The following AHCYL2 variants were observed in gnomAD, a reference collection of about 807,000 sequenced individuals.
AHCYL2 encodes the protein S-adenosylhomocysteine hydrolase-like protein 2.
AHCYL2 carries 28 observed loss-of-function variants against 81.4 expected under a neutral mutation model. The observed-to-expected ratio is 0.34, with a 90% confidence interval of 0.25 to 0.47. AHCYL2 has a LOEUF of 0.47. AHCYL2 is among the 20% of genes least tolerant of loss of function. The pLI, the probability that AHCYL2 is intolerant of heterozygous loss-of-function variation, is 1.00. For missense variants in AHCYL2, 551 were observed against 785.1 expected, an observed-to-expected ratio of 0.70 and a Z score of 3.56; for synonymous variants, 272 against 290.2, an observed-to-expected ratio of 0.94 and a Z score of 0.64.
rs1302149773 is a variant in AHCYL2 at position 129,321,577 on chromosome 7, CT to C, written c.364-58057del. Among the ~76,000 whole-genome samples the C allele has an allele frequency of 1.3e-5, 2 of 152,038 alleles. 1 individual carries two copies. Among genetic ancestry groups the C allele is most frequent in the East Asian group, 3.8e-4 (2 of 5,196 alleles). ...AGATTGTCTAAAAATTTGTTAAGAA[CT>C]TTTACATCTGTGTTAGTGAGAAACA... On this transcript the variant is annotated intron_variant, in intron 1 of 16. Transcript: ENST00000325006.
chr7:129,266,717 C>A (rs1795823338), intron 1 of AHCYL2, among the ~76,000 whole-genome samples: 1 of 151,994 alleles, frequency 6.6e-6, no homozygotes, highest in Non-Finnish European at 1.5e-5. Flanking sequence ...ATAGGAGGGG[C>A]AATCCAAAGC....
chr7:129,368,103 C>T lies in AHCYL2; in HGVS notation c.364-11535C>T, dbSNP rs1315555180. On this transcript the variant is annotated intron_variant, in intron 1 of 16. Transcript: ENST00000325006. The surrounding 1 kb of genome is among the most constrained non-coding windows in gnomAD (Gnocchi z 4.4). ...GTCCTGAAGGGTGGGAGAGAATTCA[C>T]AAGTGCCTCACACACAGGGAAAGAA... 8.9e-6 allele frequency: 9 copies of T among 1,011,438 alleles called. No individual in the cohort carries two copies. The highest frequency in any genetic ancestry group is 1.1e-5 in the Non-Finnish European group (9 of 846,648). 62.7% of individuals were successfully genotyped at this position (1,011,438 alleles called of 1,614,324 possible).
intron 1 of AHCYL2, among the ~76,000 whole-genome samples, chr7:129,265,456 G>T (rs967831684): frequency 3.9e-5 from 6 of 152,162 alleles, no homozygotes; most frequent in African/African-American, 1.4e-4. Flanking sequence ...CCTTAAAGGG[G>T]CTGCTTTATT....
intron 2 of AHCYL2, among the ~76,000 whole-genome samples, chr7:129,385,874 G>A (rs1404428136): frequency 6.6e-6 from 1 of 152,134 alleles, no homozygotes; most frequent in Non-Finnish European, 1.5e-5. Context: ...GTACATACGT[G>A]TTGGGTTTCT....
chr7:129,394,829 T>C (rs1431364732), intron 4 of AHCYL2, among the ~76,000 whole-genome samples: 1 of 152,232 alleles, frequency 6.6e-6, no homozygotes, highest in Non-Finnish European at 1.5e-5. Flanking sequence ...AACTAGATCC[T>C]TTAACATAAA....
chr7:129,331,207 T>TG (rs1755273990), intron 1 of AHCYL2, among the ~76,000 whole-genome samples: 1 of 152,162 alleles, frequency 6.6e-6, no homozygotes, highest in African/African-American at 2.4e-5. Flanking sequence ...AAGACGAACA[T>TG]TTTTATACAC....
chr7:129,266,477 C>T (rs916555823), intron 1 of AHCYL2, among the ~76,000 whole-genome samples: 10 of 150,904 alleles, frequency 6.6e-5, no homozygotes, highest in Admixed American at 1.3e-4. Flanking sequence ...TGCAGTGAGC[C>T]GAGATCTCAC....
At chr7:129,383,825 A>G (rs1299267725) in intron 2 of AHCYL2, among the ~76,000 whole-genome samples, 2 of 152,178 alleles carry the variant, frequency 1.3e-5, no homozygotes, top group Non-Finnish European at 2.9e-5. Context: ...TTTTCCAGAT[A>G]CATGCATTGC....
intron 1 of AHCYL2, among the ~76,000 whole-genome samples, chr7:129,227,710 G>A (rs559239467): frequency 6.0e-4 from 91 of 150,460 alleles, no homozygotes; most frequent in Non-Finnish European, 1.1e-3. Context: ...TTTCCTTGTC[G>A]TTGAACCATC....
At chr7:129,395,132 A>G (rs1164983119) in intron 4 of AHCYL2, among the ~76,000 whole-genome samples, 3 of 152,240 alleles carry the variant, frequency 2.0e-5, no homozygotes, top group African/African-American at 7.2e-5. Context: ...AAATTCCTCC[A>G]GCAGTGGACT....
chr7:129,248,762 G>A (rs1327253414), intron 1 of AHCYL2, among the ~76,000 whole-genome samples: 6 of 151,670 alleles, frequency 4.0e-5, no homozygotes, highest in South Asian at 2.1e-4. Flanking sequence ...AGGTCAATTC[G>A]GGAGAATTCC....
At chr7:129,282,418 T>A (rs914923252) in intron 1 of AHCYL2, among the ~76,000 whole-genome samples, 20 of 152,260 alleles carry the variant, frequency 1.3e-4, no homozygotes, top group African/African-American at 4.3e-4. Flanking sequence ...CTTTTTCCAC[T>A]CTGGTTTACT....
chr7:129,377,851 G>A (rs1345112506), intron 1 of AHCYL2, among the ~76,000 whole-genome samples: 1 of 152,064 alleles, frequency 6.6e-6, no homozygotes, highest in Non-Finnish European at 1.5e-5. Flanking sequence ...AGATAAAATT[G>A]TAAGAAAATC....
chr7:129,374,333 G>A (rs1479958529), intron 1 of AHCYL2, among the ~76,000 whole-genome samples: 1 of 152,084 alleles, frequency 6.6e-6, no homozygotes, highest in Admixed American at 6.6e-5. Context: ...AAACTTTCCT[G>A]CTTTGTCAAG....
chr7:129,232,426 G>C (rs991858324), intron 1 of AHCYL2, among the ~76,000 whole-genome samples: 1 of 152,200 alleles, frequency 6.6e-6, no homozygotes, highest in Admixed American at 6.6e-5. Context: ...CACCCGTGCT[G>C]CTCTGACCAG....
chr7:129,424,815 C>G (rs1797283269), intron 13 of AHCYL2, 59 bp from the exon 14 acceptor site: 1 of 1,590,662 alleles, frequency 6.3e-7, no homozygotes, highest in South Asian at 1.1e-5. Context: ...TCTTCCCTCA[C>G]TTCTCAAAGG....
At chr7:129,381,137 T>C (rs1398318021) in intron 2 of AHCYL2, among the ~76,000 whole-genome samples, 1 of 152,190 alleles carries the variant, frequency 6.6e-6, no homozygotes, top group African/African-American at 2.4e-5. Context: ...ATGTGAATTG[T>C]AAAATAGTTT....
chr7:129,307,724 A>T (rs942938871), intron 1 of AHCYL2, among the ~76,000 whole-genome samples: 3 of 151,744 alleles, frequency 2.0e-5, no homozygotes, highest in Admixed American at 6.6e-5. Context: ...ACACACCTGA[A>T]GTCAGCATGG....
chr7:129,397,324 G>A lies in AHCYL2; in HGVS notation c.823G>A (p.Gly275Arg). 2 of 1,613,704 alleles carry A rather than the reference G, an allele frequency of 1.2e-6. No homozygotes were observed. Among genetic ancestry groups the A allele is most frequent in the Non-Finnish European group, 1.7e-6 (2 of 1,179,890 alleles). ...NEVAAALAES[G>R]FPVFAWKGES... ...AGTGGCTGCTGCTCTAGCAGAAAGT[G>A]GTAAGAGCTTATTCTCTGTGCCTTT... Residue 275 changes from glycine to arginine, a missense_variant and splice_region_variant, in exon 5 of 17, where the codon GGA (glycine) becomes AGA (arginine). Coordinates refer to ENST00000325006, the MANE Select transcript of AHCYL2 (RefSeq NM_015328.4).
Sources: gnomAD v4.1 joint callset for allele counts (sites outside exome capture counted in the v4.1 genomes callset) on GRCh38, gnomAD v4.1.1 for gene constraint, Gnocchi (gnomAD v3.1) non-coding constraint, MANE v1.5 for transcripts, NCBI Gene and HGNC (gene_info 2026-07-23, HGNC 2026-07-21) for gene names.